The following UGGT1 variants were observed in gnomAD, a reference collection of about 807,000 sequenced individuals.
UGGT1 encodes UDP-glucose:glycoprotein glucosyltransferase 1.
In UGGT1, 107 loss-of-function variants were observed where a neutral mutation model predicts 203.9. That is an observed-to-expected ratio of 0.52 (90% CI 0.45 to 0.62). The LOEUF is 0.62. UGGT1 is among the 20% of genes least tolerant of loss of function. The pLI, the probability that UGGT1 is intolerant of heterozygous loss-of-function variation, is 0.00. For synonymous variants in UGGT1, 628 were observed against 653.5 expected (o/e 0.96, Z 0.59); for missense variants, 1,673 against 1,867.2 (o/e 0.90, Z 1.92).
Position 128,121,232 on chromosome 2 carries a change from C to CT in UGGT1, c.1009dup (p.Ser337PhefsTer4). The CT allele has an allele frequency of 1.2e-6, 2 of 1,613,878 alleles. No homozygotes were observed. Among genetic ancestry groups the CT allele is most frequent in the Non-Finnish European group, 1.7e-6 (2 of 1,179,978 alleles). The stretch of plus-strand genomic sequence containing the variant: ...TTCCAGACTGCTGCTCGAATCTTGG[C>CT]TTCTCCTGTTGAGTTGGCTTTGGTT... On this transcript the variant is annotated frameshift_variant, in exon 10 of 41. Coordinates refer to ENST00000259253, the MANE Select transcript of UGGT1 (RefSeq NM_020120.4). LOFTEE classifies it high-confidence loss of function.
chr2:128,103,880 T>C, intron 2 of UGGT1, 52 bp from the exon 3 acceptor site: 1 of 1,355,754 alleles, frequency 7.4e-7, no homozygotes, highest in Middle Eastern at 2.6e-4. Context: ...AGTAATATAG[T>C]TTATATTAGA....
intron 34 of UGGT1, among the ~76,000 whole-genome samples, chr2:128,179,325 G>A (rs1270999484): frequency 2.0e-5 from 3 of 152,298 alleles, no homozygotes; most frequent in East Asian, 1.9e-4. Flanking sequence ...TAAGGAGGCC[G>A]GAGCTGGTAG....
In UGGT1 at chr2:128,183,658, G is replaced by A. The variant is rs779780495; in HGVS notation, c.4245-17G>A. ...TAATCCATGGTTGGTTGTAACAAGCGGGTCTTCTTTATTCAGTGCACTATA... is the reference window on the plus strand; with the variant it reads ...TAATCCATGGTTGGTTGTAACAAGCAGGTCTTCTTTATTCAGTGCACTATA... On this transcript the variant is annotated splice_polypyrimidine_tract_variant and intron_variant, in intron 37 of 40. Coordinates refer to ENST00000259253, the MANE Select transcript of UGGT1 (RefSeq NM_020120.4). 2.8e-5 allele frequency: 44 copies of A among 1,588,226 alleles called. 1 individual carries two copies. The South Asian group carries it at 4.7e-4, about 17-fold the overall frequency.
At chr2:128,117,970 G>A (rs1398337828) in intron 8 of UGGT1, among the ~76,000 whole-genome samples, 4 of 116,194 alleles carry the variant, frequency 3.4e-5, no homozygotes, top group African/African-American at 2.1e-4. Context: ...TTGTGTGTGT[G>A]TGTGTGTCTG....
chr2:128,179,059 C>T (rs755108236), intron 34 of UGGT1, among the ~76,000 whole-genome samples: 1 of 152,094 alleles, frequency 6.6e-6, no homozygotes, highest in Non-Finnish European at 1.5e-5. Flanking sequence ...CAGAAGAGGC[C>T]ACGGGCTAGG....
intron 16 of UGGT1, 40 bp from the exon 17 acceptor site, chr2:128,143,054 C>A: frequency 6.6e-7 from 1 of 1,517,942 alleles, no homozygotes; most frequent in East Asian, 2.4e-5. Flanking sequence ...GAAATTTGAA[C>A]TTAAAAGTGT....
At chr2:128,147,521 T>G (rs1689747582) in intron 18 of UGGT1, among the ~76,000 whole-genome samples, 1 of 152,184 alleles carries the variant, frequency 6.6e-6, no homozygotes, top group African/African-American at 2.4e-5. Context: ...AGAATATACA[T>G]TACACATTTT....
At chr2:128,106,750 A>G (rs913424609) in intron 3 of UGGT1, among the ~76,000 whole-genome samples, 1 of 152,218 alleles carries the variant, frequency 6.6e-6, no homozygotes, top group South Asian at 2.1e-4. Context: ...GGGTTTCACC[A>G]TGTTGGCCAG....
intron 1 of UGGT1, among the ~76,000 whole-genome samples, chr2:128,094,726 T>C (rs1687027515): frequency 6.8e-6 from 1 of 147,616 alleles, no homozygotes; most frequent in African/African-American, 2.5e-5. Context: ...TGGTTAGTCC[T>C]AAGAGAATGC....
chr2:128,157,453 T>A, intron 22 of UGGT1, 107 bp downstream of exon 22: 1 of 797,256 alleles, frequency 1.3e-6, no homozygotes, highest in Non-Finnish European at 2.0e-6. Flanking sequence ...AGTCCTGCTT[T>A]CTTAATGCTC....
At chr2:128,185,576 C>T (rs111584229) in intron 38 of UGGT1, among the ~76,000 whole-genome samples, 10 of 149,878 alleles carry the variant, frequency 6.7e-5, no homozygotes, top group African/African-American at 2.5e-4. Context: ...CAGGCTCAGG[C>T]GATCCTCCCA....
intron 18 of UGGT1, among the ~76,000 whole-genome samples, chr2:128,148,212 C>G (rs1432696776): frequency 6.6e-6 from 1 of 152,124 alleles, no homozygotes; most frequent in Non-Finnish European, 1.5e-5. Flanking sequence ...CAGGAGCACA[C>G]CACCACACCC....
rs549173134 is a variant in UGGT1, at chr2:128,113,629, G to T, written c.696+371G>T. Among the ~76,000 whole-genome samples the T allele has an allele frequency of 9.9e-5, 15 of 152,098 alleles. No homozygotes were observed. In the East Asian group the frequency reaches 1.5e-3, roughly 16 times the overall value. On this transcript the variant is annotated intron_variant, in intron 6 of 40. Transcript: ENST00000259253. The stretch of plus-strand genomic sequence containing the variant: ...TGCCACCTTTTTATTTGGTGGAAGG[G>T]GGAGGATTTTCTAAACAGGCGATTC...
At chr2:128,143,733 C>T (rs1689548851) in intron 17 of UGGT1, among the ~76,000 whole-genome samples, 1 of 152,054 alleles carries the variant, frequency 6.6e-6, no homozygotes, top group Non-Finnish European at 1.5e-5. Flanking sequence ...TATATTTCAT[C>T]CATTTAATTG....
intron 3 of UGGT1, among the ~76,000 whole-genome samples, chr2:128,105,081 C>T (rs1285948154): frequency 6.6e-6 from 1 of 151,438 alleles, no homozygotes; most frequent in Non-Finnish European, 1.5e-5. Context: ...TGAGGTCTCA[C>T]TGTGTTGCCC....
In UGGT1 at chr2:128,172,879, C is replaced by T. The variant is rs543242613; in HGVS notation, c.3294+117C>T. On this transcript the variant is annotated intron_variant, in intron 29 of 40. Transcript: ENST00000259253. Reference sequence around the variant, plus strand: ...TCAGGTATGATATTTTTTTAAACAACAGCTTTATTCACATGGAACTCATAT... The same window carrying T: ...TCAGGTATGATATTTTTTTAAACAATAGCTTTATTCACATGGAACTCATAT... 5.3e-6 allele frequency: 5 copies of T among 942,278 alleles called. No individual in the cohort carries two copies. The East Asian group carries it at 1.0e-4, about 20-fold the overall frequency. 58.4% of individuals were successfully genotyped at this position (942,278 alleles called of 1,614,324 possible).
intron 16 of UGGT1, among the ~76,000 whole-genome samples, chr2:128,141,279 G>A (rs913615802): frequency 5.9e-5 from 9 of 151,708 alleles, no homozygotes; most frequent in African/African-American, 1.7e-4. Flanking sequence ...GCCAACATGG[G>A]GAAACCTCAT....
chr2:128,122,435 G>C (rs1265834812), intron 10 of UGGT1, among the ~76,000 whole-genome samples: 1 of 151,924 alleles, frequency 6.6e-6, no homozygotes, highest in Admixed American at 6.6e-5. Flanking sequence ...TCGGGAGTCT[G>C]ATGCAGGAGA....
intron 21 of UGGT1, among the ~76,000 whole-genome samples, chr2:128,156,970 G>A (rs1406154341): frequency 6.6e-6 from 1 of 152,168 alleles, no homozygotes; most frequent in African/African-American, 2.4e-5. Flanking sequence ...CATGTTCAAA[G>A]GCTGTTTTTC....
Sources: allele counts gnomAD v4.1 joint callset (sites outside exome capture counted in the v4.1 genomes callset), GRCh38; gene constraint gnomAD v4.1.1; transcripts MANE v1.5; gene names NCBI Gene and HGNC (gene_info 2026-07-23, HGNC 2026-07-21).